ALG6: variants seen among roughly 807,000 people sequenced by gnomAD.
The protein encoded by ALG6 is ALG6 alpha-1,3-glucosyltransferase, also known as dolichyl pyrophosphate Man9GlcNAc2 alpha-1,3-glucosyltransferase.
ALG6 carries 46 observed loss-of-function variants against 66.6 expected under a neutral mutation model. The ratio of observed to expected loss-of-function variants is 0.69; its 90% confidence interval spans 0.55 to 0.88. The LOEUF (loss-of-function observed/expected upper bound fraction) is 0.88, where lower values mean the gene tolerates loss of function less well. Ranked by LOEUF, ALG6 falls within the 40% of genes least tolerant of loss-of-function variation. ALG6 has a pLI of 0.00. For synonymous variants in ALG6, 185 were observed against 203.7 expected, an observed-to-expected ratio of 0.91 and a Z score of 0.78; for missense variants, 505 against 586.8, an observed-to-expected ratio of 0.86 and a Z score of 1.44.
At chr1:63,410,493 A>G (rs1644510823) in intron 7 of ALG6, among the ~76,000 whole-genome samples, 1 of 152,108 alleles carries the variant, frequency 6.6e-6, no homozygotes, top group Admixed American at 6.6e-5. Context: ...TGGCTCAAGC[A>G]ATCTTCCTGC....
At chr1:63,410,037 C>A (rs900899138) in intron 7 of ALG6, among the ~76,000 whole-genome samples, 2 of 152,148 alleles carry the variant, frequency 1.3e-5, no homozygotes, top group African/African-American at 4.8e-5. Flanking sequence ...TCTGCACATA[C>A]TACTCAAAGA....
intron 12 of ALG6, among the ~76,000 whole-genome samples, chr1:63,427,370 T>G (rs981815877): frequency 1.3e-5 from 2 of 151,994 alleles, no homozygotes; most frequent in Non-Finnish European, 2.9e-5. Context: ...TCTCATATAT[T>G]AGTTGACATA....
At chr1:63,396,426 C>A in intron 2 of ALG6, 87 bp from the exon 3 acceptor site, 1 of 1,175,930 alleles carries the variant, frequency 8.5e-7, no homozygotes, top group South Asian at 1.2e-5. Flanking sequence ...CACTGCCTCT[C>A]TAATTTAGAC....
chr1:63,411,788 C>A (rs1644517702), intron 8 of ALG6, 138 bp from the exon 9 acceptor site: 1 of 1,190,994 alleles, frequency 8.4e-7, no homozygotes, highest in Non-Finnish European at 1.2e-6. Context: ...GAGCACACTC[C>A]CATCTTAAGC....
chr1:63,383,088 C>T (rs532924566), intron 2 of ALG6, among the ~76,000 whole-genome samples: 3 of 152,040 alleles, frequency 2.0e-5, no homozygotes, highest in Admixed American at 2.0e-4. Context: ...GCAGGGATTA[C>T]AGGCGTGAGC....
At chr1:63,372,885 C>T (rs1647979766) in intron 2 of ALG6, among the ~76,000 whole-genome samples, 1 of 152,100 alleles carries the variant, frequency 6.6e-6, no homozygotes, top group Admixed American at 6.5e-5. Flanking sequence ...GTCTTGAACT[C>T]CTGACCTCGT....
In ALG6 at chr1:63,428,724, C is replaced by T. The variant is rs375216174; in HGVS notation, c.1059-9C>T. The T allele has an allele frequency of 2.6e-5, 41 of 1,575,098 alleles. No homozygotes were observed. The highest frequency in any genetic ancestry group is 1.3e-4 in the South Asian group (11 of 86,174). Reference sequence around the variant, plus strand: ...TAATATTAAAATATTTTTTTCTTTACGATTTTAGACCAGTCTGCTTAGTTT... The same window carrying T: ...TAATATTAAAATATTTTTTTCTTTATGATTTTAGACCAGTCTGCTTAGTTT... On this transcript the variant is annotated splice_polypyrimidine_tract_variant and intron_variant, in intron 12 of 14. Transcript: ENST00000263440.
At position 63,437,044 on chromosome 1, in the gene ALG6, C is replaced by T; in HGVS notation, c.*24C>T. 4 of 1,600,388 alleles carry T rather than the reference C, an allele frequency of 2.5e-6. No individual in the cohort carries two copies. Among genetic ancestry groups the T allele is most frequent in the East Asian group, 4.5e-5 (2 of 44,662 alleles). Reference sequence around the variant, plus strand: ...AGCTGTATTCCTAAACAAATTGTTTCCTAAACAAATGTGAAAATGTGAACA... The same window carrying T: ...AGCTGTATTCCTAAACAAATTGTTTTCTAAACAAATGTGAAAATGTGAACA... On this transcript the variant is annotated 3_prime_UTR_variant, in exon 15 of 15. Coordinates refer to ENST00000263440, the MANE Select transcript of ALG6 (RefSeq NM_013339.4).
intron 2 of ALG6, among the ~76,000 whole-genome samples, chr1:63,376,544 T>C (rs2100384346): frequency 6.6e-6 from 1 of 152,346 alleles, no homozygotes. Context: ...CCACAAGTAA[T>C]ATTTTCTAAT....
intron 10 of ALG6, among the ~76,000 whole-genome samples, chr1:63,414,396 C>T (rs1279446500): frequency 6.6e-6 from 1 of 151,788 alleles, no homozygotes; most frequent in Non-Finnish European, 1.5e-5. Flanking sequence ...GGATTACAGG[C>T]GCCCGCCACA....
rs1648611510 is a variant in ALG6, at chr1:63,389,721, G to A, written c.83-6792G>A. On this transcript the variant is annotated intron_variant, in intron 2 of 14. Transcript: ENST00000263440. ...ATTTATACCCATCCTTCTTGGGAAG[G>A]CTTTCCAAGTATTCAAAGGGAGTTG... is the stretch of plus-strand genomic sequence containing the variant. Among the ~76,000 whole-genome samples, 3 of 152,138 alleles carry A rather than the reference G, an allele frequency of 2.0e-5. No homozygotes were observed. The South Asian group carries it at 6.2e-4, about 32-fold the overall frequency.
Position 63,428,488 on chromosome 1 carries a change from T to G in ALG6, c.1059-245T>G, listed in dbSNP as rs2941737. 113,032 of 330,216 alleles carry G rather than the reference T, an allele frequency of 0.34. 20,110 individuals are homozygous for G. Among genetic ancestry groups the G allele is most frequent in the South Asian group, 0.46 (5,635 of 12,384 alleles). The allele number at this position is 330,216 out of a possible 1,614,324, so 20.5% of individuals were successfully genotyped here. ...TGTATGATAGAGAAAAAAAGTTCCA[T>G]TAACGGCATACTGGAAGCAGCAGTT... On this transcript the variant is annotated intron_variant, in intron 12 of 14. Transcript: ENST00000263440.
intron 12 of ALG6, among the ~76,000 whole-genome samples, chr1:63,422,397 ATATC>A (rs376909413): frequency 0.08 from 6,633 of 82,648 alleles, 563 homozygotes; most frequent in Middle Eastern, 0.15. Context: ...ATATAAATAT[ATATC>A]TATATAAATA....
chr1:63,398,595 C>T (rs1040656581), intron 3 of ALG6, among the ~76,000 whole-genome samples: 1 of 152,184 alleles, frequency 6.6e-6, no homozygotes, highest in African/African-American at 2.4e-5. Context: ...GCCTTAGCTT[C>T]CCGAGTAGCT....
intron 2 of ALG6, among the ~76,000 whole-genome samples, chr1:63,379,871 T>C (rs1648249236): frequency 6.6e-6 from 1 of 151,716 alleles, no homozygotes; most frequent in Non-Finnish European, 1.5e-5. Flanking sequence ...GTCTGGCATA[T>C]TGCTGGAAAC....
chr1:63,409,152 G>T (rs985228674), intron 7 of ALG6, among the ~76,000 whole-genome samples: 5 of 152,192 alleles, frequency 3.3e-5, no homozygotes, highest in African/African-American at 1.2e-4. Context: ...CCCTGACTTT[G>T]TAAGCTTAGT....
chr1:63,400,194 C>CT (rs1644440307), intron 3 of ALG6, among the ~76,000 whole-genome samples: 1 of 19,520 alleles, frequency 5.1e-5, no homozygotes, highest in Non-Finnish European at 7.9e-5. Flanking sequence ...AACTCTGTCT[C>CT]AAAAAAAAAA....
At chr1:63,419,594 G>T (rs368423081) in intron 12 of ALG6, among the ~76,000 whole-genome samples, 154 bp downstream of exon 12, 344 of 152,110 alleles carry the variant, frequency 2.3e-3, no homozygotes, top group African/African-American at 8.0e-3. Context: ...CAGAATTTTT[G>T]ATTTTCTTTA....
rs192096751 is a variant in ALG6 at position 63,400,242 on chromosome 1, T to C, written c.168-2012T>C. 8.7e-3 allele frequency among the ~76,000 whole-genome samples: 88 copies of C among 10,162 alleles called. 28 individuals carry two copies. The South Asian group carries it at 0.11, about 12-fold the overall frequency. The allele number at this position is 10,162 out of a possible 152,430, so 6.7% of individuals were successfully genotyped here. A position where few individuals can be genotyped will look rare whatever the true frequency, so the allele number is the denominator to read the frequency against. On this transcript the variant is annotated intron_variant, in intron 3 of 14. Transcript: ENST00000263440. ...ATATACGTATATATATATATATATATACGTATATATATGTATATATATATA... is the reference window on the plus strand; with the variant it reads ...ATATACGTATATATATATATATATACACGTATATATATGTATATATATATA...
Sources: gnomAD v4.1 joint callset for allele counts (sites outside exome capture counted in the v4.1 genomes callset) on GRCh38, gnomAD v4.1.1 for gene constraint, MANE v1.5 for transcripts, NCBI Gene and HGNC (gene_info 2026-07-23, HGNC 2026-07-21) for gene names.